Variants in RASEF observed in about 807,000 individuals in gnomAD.
The protein encoded by RASEF is ras and EF-hand domain-containing protein.
RASEF carries 68 observed loss-of-function variants against 90.1 expected under a neutral mutation model. That is an observed-to-expected ratio of 0.75 (90% CI 0.62 to 0.92). The LOEUF (loss-of-function observed/expected upper bound fraction) is 0.92, where lower values mean the gene tolerates loss of function less well. Ranked by LOEUF, RASEF falls within the 40% of genes least tolerant of loss-of-function variation. The pLI is 0.00. For missense variants in RASEF, 949 were observed against 937.2 expected (o/e 1.01, Z -0.16); for synonymous variants, 331 against 345.2 (o/e 0.96, Z 0.46).
the RASEF span, among the ~76,000 whole-genome samples, chr9:83,210,816 G>A: frequency 3.3e-5 from 5 of 152,180 alleles, no homozygotes; most frequent in African/African-American, 1.2e-4. Flanking sequence ...GAACTGAGGG[G>A]TTTCCCCGAC....
the RASEF span, among the ~76,000 whole-genome samples, chr9:83,196,253 T>A: frequency 6.6e-6 from 1 of 152,166 alleles, no homozygotes; most frequent in African/African-American, 2.4e-5. Flanking sequence ...TCCCTGGAAA[T>A]GTTTCTTAAG....
intron 1 of RASEF, chr9:83,055,380 G>A: frequency 2.1e-6 from 1 of 485,862 alleles, no homozygotes; most frequent in Non-Finnish European, 3.7e-6. Context: ...CCCAGGTGAG[G>A]CAATGCCTCG....
the RASEF span, among the ~76,000 whole-genome samples, chr9:83,195,154 T>C: frequency 6.6e-6 from 1 of 152,250 alleles, no homozygotes; most frequent in Non-Finnish European, 1.5e-5. Flanking sequence ...ACAGGCAACC[T>C]TTATGCCTCT....
chr9:83,039,013 T>C (rs1430009347), intron 1 of RASEF, among the ~76,000 whole-genome samples: 1 of 152,250 alleles, frequency 6.6e-6, no homozygotes, highest in African/African-American at 2.4e-5. Context: ...TTCACATCAC[T>C]GTTCTGGTTT....
the RASEF span, among the ~76,000 whole-genome samples, chr9:83,104,884 A>G: frequency 6.6e-6 from 1 of 152,214 alleles, no homozygotes; most frequent in Non-Finnish European, 1.5e-5. Context: ...ATTATTTAGC[A>G]CTTGCCCAAT....
At chr9:83,139,937 G>T in the RASEF span, among the ~76,000 whole-genome samples, 16 of 152,186 alleles carry the variant, frequency 1.1e-4, no homozygotes, top group African/African-American at 3.9e-4. Context: ...CAACATGGAG[G>T]AAAAATCACA....
chr9:83,185,838 T>C, the RASEF span, among the ~76,000 whole-genome samples: 1 of 152,062 alleles, frequency 6.6e-6, no homozygotes, highest in Non-Finnish European at 1.5e-5. Context: ...ATAAGCACAC[T>C]TTCTCTCAGC....
At chr9:83,144,265 C>G in the RASEF span, among the ~76,000 whole-genome samples, 1 of 146,860 alleles carries the variant, frequency 6.8e-6, no homozygotes, top group Admixed American at 7.0e-5. Context: ...ACCCATGTAA[C>G]AAATCTGCAC....
chr9:83,020,768 T>C (rs1829429054), intron 3 of RASEF, among the ~76,000 whole-genome samples: 1 of 152,208 alleles, frequency 6.6e-6, no homozygotes. Flanking sequence ...GAGGCATTTA[T>C]CTGGAAGAAG....
chr9:83,032,566 G>A (rs2118603872), intron 1 of RASEF, among the ~76,000 whole-genome samples: 1 of 152,328 alleles, frequency 6.6e-6, no homozygotes, highest in African/African-American at 2.4e-5. Flanking sequence ...AATGCAATTA[G>A]AGAAAAATGT....
the RASEF span, among the ~76,000 whole-genome samples, chr9:83,203,119 G>A: frequency 3.0e-4 from 45 of 151,866 alleles, no homozygotes; most frequent in South Asian, 1.7e-3. Context: ...ATAGACGATC[G>A]ACAGCAATCC....
the RASEF span, among the ~76,000 whole-genome samples, chr9:83,123,817 T>C: frequency 1.1e-4 from 16 of 152,336 alleles, no homozygotes; most frequent in African/African-American, 3.8e-4. Flanking sequence ...GTATGTAACA[T>C]AGAATTTATC....
At chr9:83,217,638 G>A in the RASEF span, among the ~76,000 whole-genome samples, 14 of 152,162 alleles carry the variant, frequency 9.2e-5, no homozygotes, top group South Asian at 8.3e-4. Flanking sequence ...CTCCTCCTTC[G>A]CCTTCCGCCA....
chr9:83,048,762 C>T (rs550013202), intron 1 of RASEF: 3 of 981,342 alleles, frequency 3.1e-6, no homozygotes, highest in Middle Eastern at 5.2e-4. Context: ...GTTTTCCGTC[C>T]TATATAGTTC....
At chr9:83,049,243 C>CATCAGTACATTTCTAAA in intron 1 of RASEF, 2 of 833,742 alleles carry the variant, frequency 2.4e-6, no homozygotes, top group South Asian at 1.1e-4. Context: ...GTACCAACAG[C>CATCAGTACATTTCTAAA]ATCAGTACAT....
the RASEF span, among the ~76,000 whole-genome samples, chr9:83,112,297 T>C: frequency 1.3e-5 from 2 of 152,226 alleles, no homozygotes; most frequent in South Asian, 2.1e-4. Flanking sequence ...TATCTTAAGA[T>C]TTTTCATCCT....
intron 1 of RASEF, among the ~76,000 whole-genome samples, chr9:83,038,987 T>A (rs919449112): frequency 5.3e-5 from 8 of 152,228 alleles, no homozygotes; most frequent in Non-Finnish European, 1.0e-4. Context: ...AGATGAAGCA[T>A]GTTTTCTTGA....
chr9:83,019,562 C>T (rs1042428182), intron 3 of RASEF, among the ~76,000 whole-genome samples: 3 of 152,296 alleles, frequency 2.0e-5, no homozygotes, highest in African/African-American at 7.2e-5. Context: ...ATGATCAACC[C>T]ATTCCACTCC....
At chr9:83,074,907 T>A in the RASEF span, among the ~76,000 whole-genome samples, 1 of 152,186 alleles carries the variant, frequency 6.6e-6, no homozygotes, top group African/African-American at 2.4e-5. Context: ...AACATAGTAA[T>A]CAACCTGTAG....
Sources: gnomAD v4.1 joint callset for allele counts (sites outside exome capture counted in the v4.1 genomes callset) on GRCh38, gnomAD v4.1.1 for gene constraint, MANE v1.5 for transcripts, NCBI Gene and HGNC (gene_info 2026-07-23, HGNC 2026-07-21) for gene names.